Variants in GAB1 observed in about 807,000 individuals in gnomAD.
GAB1 encodes the protein GRB2-associated-binding protein 1.
In GAB1, 19 loss-of-function variants were observed where a neutral mutation model predicts 66.5. The ratio of observed to expected loss-of-function variants is 0.29; its 90% confidence interval spans 0.20 to 0.42. The LOEUF is 0.42. GAB1 is among the 10% of genes least tolerant of loss of function. The probability of loss-of-function intolerance (pLI) is 1.00; values close to 1 mark genes in which losing one functional copy is unlikely to be tolerated. For synonymous variants in GAB1, 294 were observed against 301.4 expected (o/e 0.98, Z 0.25); for missense variants, 732 against 858.5 (o/e 0.85, Z 1.84).
rs78722512 is a variant in GAB1, at chr4:143,396,206, C to T, written c.73-19271C>T. ...GGACAAGGAGAGAAGCAAATGTACT[C>T]CTAGCCCTACTTGGGACCTTAAGGA... On this transcript the variant is annotated intron_variant, in intron 1 of 9. Coordinates refer to ENST00000262994, the MANE Select transcript of GAB1 (RefSeq NM_002039.4). Among the ~76,000 whole-genome samples the T allele has an allele frequency of 1.7e-3, 261 of 152,294 alleles. 1 individual carries two copies. Among genetic ancestry groups the T allele is most frequent in the African/African-American group, 5.9e-3 (245 of 41,576 alleles).
intron 9 of GAB1, 74 bp from the exon 10 acceptor site, chr4:143,468,955 TTG>T (rs1484897065): frequency 1.3e-5 from 19 of 1,472,974 alleles, no homozygotes; most frequent in Admixed American, 4.1e-5. Flanking sequence ...TGGATGTGTT[TTG>T]TGTTTTAAGA....
chr4:143,449,595 T>A (rs879159761), intron 6 of GAB1, among the ~76,000 whole-genome samples: 24 of 152,140 alleles, frequency 1.6e-4, no homozygotes, highest in Admixed American at 6.6e-4. Flanking sequence ...CTGTTTTATC[T>A]GAGACTAGGA....
rs749019370 is a variant in GAB1 at position 143,469,198 on chromosome 4, C to T, written c.*9C>T. The T allele has an allele frequency of 1.9e-6, 3 of 1,612,978 alleles. No individual in the cohort carries two copies. The highest frequency in any genetic ancestry group is 1.3e-5 in the African/African-American group (1 of 74,942). Reference sequence around the variant, plus strand: ...CGAAGAGTGTGAAATGAAAATATTGCCTTGCCATTTCTGAACAAAAGAAAA... The same window carrying T: ...CGAAGAGTGTGAAATGAAAATATTGTCTTGCCATTTCTGAACAAAAGAAAA... On this transcript the variant is annotated 3_prime_UTR_variant, in exon 10 of 10. Coordinates refer to ENST00000262994, the MANE Select transcript of GAB1 (RefSeq NM_002039.4).
chr4:143,447,943 C>A (rs575517629), intron 6 of GAB1, among the ~76,000 whole-genome samples: 1 of 152,142 alleles, frequency 6.6e-6, no homozygotes, highest in African/African-American at 2.4e-5. Context: ...ATAGCTGTTA[C>A]TATTTTGAGA....
chr4:143,439,732 A>G (rs1734122913), intron 4 of GAB1, 70 bp from the exon 5 acceptor site: 2 of 986,934 alleles, frequency 2.0e-6, no homozygotes, highest in Admixed American at 3.6e-5. Flanking sequence ...GAAAGATAAT[A>G]GGTCATCCCA....
At chr4:143,458,570 C>T (rs1405136102) in intron 6 of GAB1, among the ~76,000 whole-genome samples, 1 of 151,866 alleles carries the variant, frequency 6.6e-6, no homozygotes, top group African/African-American at 2.4e-5. Flanking sequence ...TTCTTTTGCT[C>T]ACTCTGTAAA....
At chr4:143,379,958 T>C (rs960010659) in intron 1 of GAB1, among the ~76,000 whole-genome samples, 2 of 150,920 alleles carry the variant, frequency 1.3e-5, no homozygotes, top group African/African-American at 4.9e-5. Context: ...TTCTGCTCTT[T>C]TGGGGCTTAC....
rs7655552 is a variant in GAB1 at position 143,412,679 on chromosome 4, G to A, written c.73-2798G>A. 8.7e-3 allele frequency among the ~76,000 whole-genome samples: 1,326 copies of A among 152,268 alleles called. 5 individuals are homozygous for A. The highest frequency in any genetic ancestry group is 0.014 in the Non-Finnish European group (970 of 68,022). ...TACACTGGAGTTGGTTGCATTGAGG[G>A]TGGTCAGGGAAGAGAAGCCCTGAAG... On this transcript the variant is annotated intron_variant, in intron 1 of 9. Coordinates refer to ENST00000262994, the MANE Select transcript of GAB1 (RefSeq NM_002039.4).
In GAB1 at chr4:143,396,127, CTT is replaced by C. The variant is rs879764560; in HGVS notation, c.73-19349_73-19348del. ...GTGAAGAAAGGAGAATCCACTAAAA[CTT>C]GACCCTAGGAGCATTCTCCGCCGAA... On this transcript the variant is annotated intron_variant, in intron 1 of 9. Transcript: ENST00000262994. 18 of 386,490 alleles carry C rather than the reference CTT, an allele frequency of 4.7e-5. No homozygotes were observed. In the Admixed American group the frequency reaches 5.2e-4, roughly 11 times the overall value. The allele number at this position is 386,490 out of a possible 1,614,324, so 23.9% of individuals were successfully genotyped here. A position where few individuals can be genotyped will look rare whatever the true frequency, so the allele number is the denominator to read the frequency against.
At chr4:143,356,613 T>G (rs1436166548) in intron 1 of GAB1, among the ~76,000 whole-genome samples, 1 of 152,166 alleles carries the variant, frequency 6.6e-6, no homozygotes, top group Non-Finnish European at 1.5e-5. Context: ...CAGCCAACAG[T>G]CAGTAATCTC....
chr4:143,373,868 A>AATAAATATATATAT lies in GAB1; in HGVS notation c.72+36611_72+36612insAATATATATATATA. Among the ~76,000 whole-genome samples, 12 of 93,692 alleles carry AATAAATATATATAT rather than the reference A, an allele frequency of 1.3e-4. 1 individual carries two copies. The highest frequency in any genetic ancestry group is 5.1e-4 in the African/African-American group (11 of 21,612). 61.5% of individuals were successfully genotyped at this position (93,692 alleles called of 152,430 possible). ...CTCTCTCTCTCTCTGTAAATAAATA[A>AATAAATATATATAT]ATATATATATATATATATTTTTACC... On this transcript the variant is annotated intron_variant, in intron 1 of 9. Coordinates refer to ENST00000262994, the MANE Select transcript of GAB1 (RefSeq NM_002039.4).
chr4:143,347,077 A>C (rs1262044862), intron 1 of GAB1, among the ~76,000 whole-genome samples: 3 of 152,246 alleles, frequency 2.0e-5, no homozygotes, highest in African/African-American at 7.2e-5. Context: ...AAAAAGGTAT[A>C]TACACAGGAA....
rs1736100401 is a variant in GAB1 at position 143,471,953 on chromosome 4, A to G, written c.*2764A>G. 1 of 152,220 alleles carries G rather than the reference A, an allele frequency of 6.6e-6. No homozygotes were observed. Among genetic ancestry groups the G allele is most frequent in the Non-Finnish European group, 1.5e-5 (1 of 68,028 alleles). The allele number at this position is 152,220 out of a possible 1,614,324, so 9.4% of individuals were successfully genotyped here. On this transcript the variant is annotated 3_prime_UTR_variant, in exon 10 of 10. Transcript: ENST00000262994. ...GACTTTGGCCAGGAATGGGCTAAAA[A>G]CCACTGGTTAACGATGTGACAGTTA...
At chr4:143,466,033 GATGTTC>G (rs1304352319) in intron 8 of GAB1, 64 bp from the exon 9 acceptor site, 11 of 1,537,578 alleles carry the variant, frequency 7.2e-6, no homozygotes, top group Non-Finnish European at 9.7e-6. Context: ...GGCTTCCGTA[GATGTTC>G]AACAGTACGA....
At chr4:143,421,693 CTTTTCTTTTT>C (rs1733028133) in intron 2 of GAB1, among the ~76,000 whole-genome samples, 1 of 103,104 alleles carries the variant, frequency 9.7e-6, no homozygotes, top group African/African-American at 4.7e-5. Context: ...CTTTTCTTTT[CTTTTCTTTTT>C]TTTTTTTTTT....
intron 1 of GAB1, among the ~76,000 whole-genome samples, chr4:143,385,807 C>G (rs1158995530): frequency 6.6e-6 from 1 of 152,122 alleles, no homozygotes; most frequent in African/African-American, 2.4e-5. Flanking sequence ...CCAAGTCAGC[C>G]AGCCAGAAAT....
chr4:143,450,013 C>T (rs1025784053), intron 6 of GAB1, among the ~76,000 whole-genome samples: 1 of 151,736 alleles, frequency 6.6e-6, no homozygotes, highest in African/African-American at 2.4e-5. Context: ...TGAGTAATAC[C>T]AGTACATGAA....
At chr4:143,346,891 A>G (rs370254759) in intron 1 of GAB1, among the ~76,000 whole-genome samples, 284 of 152,342 alleles carry the variant, frequency 1.9e-3, no homozygotes, top group African/African-American at 6.7e-3. Context: ...TTTACCTCCA[A>G]AGAAAAAGGC....
At chr4:143,348,125 C>T (rs757483353) in intron 1 of GAB1, among the ~76,000 whole-genome samples, 2 of 152,152 alleles carry the variant, frequency 1.3e-5, no homozygotes, top group Non-Finnish European at 2.9e-5. Context: ...TTTGAGGCTC[C>T]CAGTTCCCAT....
Sources: allele counts gnomAD v4.1 joint callset (sites outside exome capture counted in the v4.1 genomes callset), GRCh38; gene constraint gnomAD v4.1.1; transcripts MANE v1.5; gene names NCBI Gene and HGNC (gene_info 2026-07-23, HGNC 2026-07-21).